PRKACB: variants seen among roughly 807,000 people sequenced by gnomAD.
PRKACB encodes cAMP-dependent protein kinase catalytic subunit beta.
Under a neutral mutation model 51.4 loss-of-function variants are expected in PRKACB, and 16 were observed. That is an observed-to-expected ratio of 0.31 (90% CI 0.21 to 0.47). The LOEUF (loss-of-function observed/expected upper bound fraction) is 0.47. Among genes scored for constraint, PRKACB ranks in the 20% least tolerant of loss-of-function variants. PRKACB has a pLI of 1.00. For synonymous variants in PRKACB, 147 were observed against 154.4 expected (o/e 0.95, Z 0.35); for missense variants, 309 against 464.5 (o/e 0.67, Z 3.08).
In PRKACB at chr1:84,194,688, G is replaced by A. The variant is rs530123331; in HGVS notation, c.561-1928G>A. Among the ~76,000 whole-genome samples the A allele has an allele frequency of 2.3e-4, 35 of 152,248 alleles. 1 individual carries two copies. The East Asian group carries it at 3.7e-3, about 16-fold the overall frequency. On this transcript the variant is annotated intron_variant, in intron 5 of 9. Transcript: ENST00000370685. ...AGCCTGTAATCCCAGGACTTTTGGAGGCTCAGGCAGGTGGATCACTTGAGC... is the reference window on the plus strand; with the variant it reads ...AGCCTGTAATCCCAGGACTTTTGGAAGCTCAGGCAGGTGGATCACTTGAGC...
chr1:84,205,794 C>T (rs1671246924), intron 8 of PRKACB, among the ~76,000 whole-genome samples: 1 of 152,072 alleles, frequency 6.6e-6, no homozygotes, highest in African/African-American at 2.4e-5. Context: ...CTCTCCTACA[C>T]ATATTTTGCC....
chr1:84,198,053 A>G (rs1668688625), intron 7 of PRKACB, among the ~76,000 whole-genome samples: 2 of 152,116 alleles, frequency 1.3e-5, no homozygotes, highest in Admixed American at 1.3e-4. Context: ...ATATGAATAA[A>G]TATGACCTCT....
intron 1 of PRKACB, 21 bp from the exon 2 acceptor site, chr1:84,179,156 T>C: frequency 7.6e-6 from 12 of 1,571,178 alleles, no homozygotes; most frequent in African/African-American, 1.4e-5. Flanking sequence ...GATAAATTTG[T>C]TTTTATATGT....
intron 1 of PRKACB, among the ~76,000 whole-genome samples, chr1:84,086,638 C>T (rs530221981): frequency 6.6e-6 from 1 of 152,212 alleles, no homozygotes; most frequent in Non-Finnish European, 1.5e-5. Flanking sequence ...AAAAAAGAAG[C>T]CCAAACTAGT....
At position 84,145,696 on chromosome 1, in the gene PRKACB, A is replaced by G. The variant is rs557947783; in HGVS notation, c.187+1148A>G. Among the ~76,000 whole-genome samples the G allele has an allele frequency of 1.9e-4, 29 of 152,170 alleles. 1 individual carries two copies. The highest frequency in any genetic ancestry group is 6.7e-4 in the African/African-American group (28 of 41,580). ...ATAGTCTTTACTGTATAGCAAGTTG[A>G]TGGATGAGGAATATGAATATATATC... On this transcript the variant is annotated intron_variant, in intron 1 of 9. Transcript: ENST00000370685.
intron 1 of PRKACB, chr1:84,164,227 G>A: frequency 7.1e-7 from 1 of 1,417,468 alleles, no homozygotes; most frequent in Non-Finnish European, 9.3e-7. Context: ...CTGCAGTATA[G>A]CTTTCTGGCT....
At chr1:84,111,613 G>A (rs540013448) in intron 1 of PRKACB, among the ~76,000 whole-genome samples, 4 of 151,924 alleles carry the variant, frequency 2.6e-5, no homozygotes, top group Admixed American at 2.6e-4. Flanking sequence ...ATTCTACTGG[G>A]TAAGTATATG....
chr1:84,231,445 T>A (rs1190823138), intron 9 of PRKACB, among the ~76,000 whole-genome samples: 2 of 152,204 alleles, frequency 1.3e-5, no homozygotes, highest in African/African-American at 4.8e-5. Context: ...TAAAATGAGT[T>A]AGGGAGGATT....
chr1:84,119,591 C>A (rs186968870), intron 1 of PRKACB, among the ~76,000 whole-genome samples: 3 of 152,204 alleles, frequency 2.0e-5, no homozygotes, highest in Admixed American at 6.5e-5. Flanking sequence ...ATATCAATTT[C>A]TAGATGATAT....
At chr1:84,152,752 A>G (rs1364382303) in intron 1 of PRKACB, among the ~76,000 whole-genome samples, 1 of 152,186 alleles carries the variant, frequency 6.6e-6, no homozygotes, top group Non-Finnish European at 1.5e-5. Flanking sequence ...AGGAAATGCT[A>G]TGACTGGTTT....
chr1:84,190,714 G>A (rs1666515047), intron 5 of PRKACB, among the ~76,000 whole-genome samples: 1 of 152,026 alleles, frequency 6.6e-6, no homozygotes, highest in African/African-American at 2.4e-5. Context: ...CAATTTTGAA[G>A]ACATTTCTCA....
At chr1:84,190,848 A>G (rs1465293741) in intron 5 of PRKACB, among the ~76,000 whole-genome samples, 3 of 152,046 alleles carry the variant, frequency 2.0e-5, no homozygotes, top group Non-Finnish European at 4.4e-5. Context: ...ATGTAAGAAT[A>G]GACTCCTATT....
intron 9 of PRKACB, among the ~76,000 whole-genome samples, chr1:84,231,648 C>G (rs1299559936): frequency 7.2e-5 from 11 of 152,130 alleles, no homozygotes; most frequent in Non-Finnish European, 1.5e-4. Context: ...GTTTAGTCTT[C>G]AGAGAGTGTA....
intron 9 of PRKACB, among the ~76,000 whole-genome samples, chr1:84,224,913 G>C (rs1020522758): frequency 2.6e-5 from 4 of 152,226 alleles, no homozygotes; most frequent in African/African-American, 9.6e-5. Context: ...GGTGCAGGCT[G>C]TGGTGAACAG....
At chr1:84,088,891 G>A (rs971247620) in intron 1 of PRKACB, among the ~76,000 whole-genome samples, 3 of 152,196 alleles carry the variant, frequency 2.0e-5, no homozygotes, top group Non-Finnish European at 4.4e-5. Flanking sequence ...AGGTGCCTGA[G>A]ATTAATACTA....
intron 9 of PRKACB, 43 bp downstream of exon 9, chr1:84,214,360 T>C (rs376793055): frequency 3.9e-4 from 577 of 1,486,388 alleles, no homozygotes; most frequent in Middle Eastern, 1.1e-3. Flanking sequence ...TTAAAGTTGG[T>C]GTTTAAATTA....
At chr1:84,155,577 CT>C (rs1456540999) in intron 1 of PRKACB, among the ~76,000 whole-genome samples, 1 of 152,122 alleles carries the variant, frequency 6.6e-6, no homozygotes, top group Non-Finnish European at 1.5e-5. Context: ...TGAACGAAAA[CT>C]TTTTCCACTG....
upstream of PRKACB, chr1:84,144,178 T>C: frequency 8.3e-7 from 1 of 1,207,088 alleles, no homozygotes; most frequent in Non-Finnish European, 1.1e-6. Context: ...GAAAAGTGTT[T>C]TGCTAAGAAA....
chr1:84,120,266 A>G (rs1296794251), intron 1 of PRKACB, among the ~76,000 whole-genome samples: 1 of 152,130 alleles, frequency 6.6e-6, no homozygotes, highest in African/African-American at 2.4e-5. Flanking sequence ...AAAATTTTCA[A>G]ATGGGTAACT....
Sources: gnomAD v4.1 joint callset for allele counts (sites outside exome capture counted in the v4.1 genomes callset) on GRCh38, gnomAD v4.1.1 for gene constraint, MANE v1.5 for transcripts, NCBI Gene and HGNC (gene_info 2026-07-23, HGNC 2026-07-21) for gene names.